Variants in PCDHGB1 observed in about 807,000 individuals in gnomAD.
PCDHGB1 encodes protocadherin gamma subfamily B, 1.
PCDHGB1 carries 34 observed loss-of-function variants against 56.6 expected under a neutral mutation model. The ratio of observed to expected loss-of-function variants is 0.60; its 90% CI spans 0.46 to 0.80. PCDHGB1 has a LOEUF of 0.80. PCDHGB1 is among the 30% of genes least tolerant of loss of function. PCDHGB1 has a pLI of 0.00. For synonymous variants in PCDHGB1, 561 were observed against 505.9 expected (o/e 1.11, Z -1.46); for missense variants, 1,278 against 1,204.6 (o/e 1.06, Z -0.90).
At position 141,444,986 on chromosome 5, in the gene PCDHGB1, T is replaced by C. The variant is rs990862582; in HGVS notation, c.2410-49821T>C. On this transcript the variant is annotated intron_variant, in intron 1 of 3. Transcript: ENST00000523390. ...TGACACTTCAAATCCATGAACATGG[T>C]ATATATTTCCATTTAATTAGGTCTT... Among the ~76,000 whole-genome samples, 4 of 152,206 alleles carry C rather than the reference T, an allele frequency of 2.6e-5. No individual in the cohort carries two copies. The East Asian group carries it at 7.7e-4, about 29-fold the overall frequency.
At chr5:141,384,596 C>T in intron 1 of PCDHGB1, 1 of 1,614,240 alleles carries the variant, frequency 6.2e-7, no homozygotes. Context: ...CTGTACCCGG[C>T]CCTCCCCACA....
At chr5:141,353,268 T>C (rs1759232072) in intron 1 of PCDHGB1, among the ~76,000 whole-genome samples, 1 of 152,236 alleles carries the variant, frequency 6.6e-6, no homozygotes, top group Non-Finnish European at 1.5e-5. Flanking sequence ...TGCAATACTA[T>C]ATTTTCAAGT....
Position 141,490,241 on chromosome 5 carries a change from G to T in PCDHGB1, c.2410-4566G>T. 2 of 1,614,246 alleles carry T rather than the reference G, an allele frequency of 1.2e-6. No individual in the cohort carries two copies. Among genetic ancestry groups the T allele is most frequent in the Non-Finnish European group, 1.7e-6 (2 of 1,180,048 alleles). On this transcript the variant is annotated intron_variant, in intron 1 of 3. Transcript: ENST00000523390. This position sits in a 1 kb window ranked among gnomAD's most constrained non-coding sequence, Gnocchi z 5.4. Reference sequence around the variant, plus strand: ...GGACAGCCTGCCATGGAGGGCCACTGTGTGATTCAAGTGGATGTGGGGGAT... The same window carrying T: ...GGACAGCCTGCCATGGAGGGCCACTTTGTGATTCAAGTGGATGTGGGGGAT...
At chr5:141,446,295 G>A (rs146503397) in intron 1 of PCDHGB1, among the ~76,000 whole-genome samples, 1 of 152,196 alleles carries the variant, frequency 6.6e-6, no homozygotes, top group Non-Finnish European at 1.5e-5. Flanking sequence ...TGGGGAGCAG[G>A]GATTAAGAGT....
chr5:141,360,474 A>C, intron 1 of PCDHGB1: 1 of 1,613,982 alleles, frequency 6.2e-7, no homozygotes, highest in Non-Finnish European at 8.5e-7. Context: ...CTGAAAATCC[A>C]CTAAATATTT....
At chr5:141,492,637 C>T (rs2099742781) in intron 1 of PCDHGB1, among the ~76,000 whole-genome samples, 1 of 152,260 alleles carries the variant, frequency 6.6e-6, no homozygotes, top group South Asian at 2.1e-4. Context: ...CTCTACGATC[C>T]TTGGGCCAGA....
intron 1 of PCDHGB1, among the ~76,000 whole-genome samples, chr5:141,444,058 C>A (rs2154560450): frequency 6.8e-6 from 1 of 147,774 alleles, no homozygotes; most frequent in East Asian, 2.0e-4. Context: ...CATCTTCAAT[C>A]TAGATTCTGA....
rs767430191 is a variant in PCDHGB1 at position 141,375,567 on chromosome 5, C to T, written c.2409+22898C>T. 22 of 1,613,958 alleles carry T rather than the reference C, an allele frequency of 1.4e-5. No individual in the cohort carries two copies. The Admixed American group carries it at 3.5e-4, about 26-fold the overall frequency. ...GTCTCCTACTCACTGGCAGAAGACA[C>T]CCTCCAGGGGGCGCCCCTGTCCTCC... On this transcript the variant is annotated intron_variant, in intron 1 of 3. Transcript: ENST00000523390.
intron 1 of PCDHGB1, among the ~76,000 whole-genome samples, chr5:141,387,456 T>C (rs1444030980): frequency 6.6e-6 from 1 of 152,246 alleles, no homozygotes; most frequent in Non-Finnish European, 1.5e-5. Context: ...ATGATTTGCC[T>C]AAAAATCCTC....
At chr5:141,382,720 T>G in intron 1 of PCDHGB1, 1 of 480,114 alleles carries the variant, frequency 2.1e-6, no homozygotes, top group Non-Finnish European at 3.5e-6. Flanking sequence ...AACCACCGAG[T>G]TTTACAGCAC....
chr5:141,417,874 C>A (rs768197455), intron 1 of PCDHGB1: 2 of 1,555,202 alleles, frequency 1.3e-6, no homozygotes, highest in African/African-American at 2.7e-5. Context: ...GAGGGAGCTG[C>A]GCGCAGAGGC....
intron 1 of PCDHGB1, chr5:141,372,312 C>T: frequency 6.2e-7 from 1 of 1,613,550 alleles, no homozygotes; most frequent in Non-Finnish European, 8.5e-7. Context: ...GGCCGCCCGC[C>T]AGCGCCTGCT....
At chr5:141,461,738 C>A (rs2099021378) in intron 1 of PCDHGB1, among the ~76,000 whole-genome samples, 1 of 150,904 alleles carries the variant, frequency 6.6e-6, no homozygotes. Flanking sequence ...TGGCACAATC[C>A]CGGCTCCCAG....
chr5:141,501,304 C>T (rs1005430489), intron 2 of PCDHGB1, among the ~76,000 whole-genome samples: 104 of 151,340 alleles, frequency 6.9e-4, no homozygotes, highest in African/African-American at 2.2e-3. Flanking sequence ...CACACACACA[C>T]ACACACACAC....
At chr5:141,393,961 T>C (rs775398827) in intron 1 of PCDHGB1, 1 of 1,613,960 alleles carries the variant, frequency 6.2e-7, no homozygotes, top group South Asian at 1.1e-5. Flanking sequence ...GGTCAAGTTG[T>C]CTGTTACACA....
intron 1 of PCDHGB1, chr5:141,382,788 ATCCT>A: frequency 1.1e-6 from 1 of 917,668 alleles, no homozygotes; most frequent in Non-Finnish European, 1.7e-6. Flanking sequence ...TCAAGCCTCT[ATCCT>A]GCTGGATTCT....
intron 1 of PCDHGB1, chr5:141,361,337 A>G (rs1374845034): frequency 1.9e-6 from 3 of 1,613,878 alleles, no homozygotes; most frequent in South Asian, 1.1e-5. Flanking sequence ...TCAAAGAACT[A>G]TTACAAACTA....
chr5:141,421,402 G>A (rs2096569907), intron 1 of PCDHGB1: 1 of 1,614,076 alleles, frequency 6.2e-7, no homozygotes, highest in Non-Finnish European at 8.5e-7. Context: ...GGAGCCCCGG[G>A]AGCTGGCGAA....
At chr5:141,390,409 A>C in intron 1 of PCDHGB1, 2 of 1,247,634 alleles carry the variant, frequency 1.6e-6, no homozygotes, top group East Asian at 2.4e-5. Context: ...GGAAAGTTGT[A>C]GTCAGTTAAA....
Sources: allele counts gnomAD v4.1 joint callset (sites outside exome capture counted in the v4.1 genomes callset), GRCh38; gene constraint gnomAD v4.1.1; non-coding constraint Gnocchi (gnomAD v3.1); transcripts MANE v1.5; gene names NCBI Gene and HGNC (gene_info 2026-07-23, HGNC 2026-07-21).